Variants in KIAA0319 observed in about 807,000 individuals in gnomAD.
KIAA0319 encodes the protein dyslexia-associated protein KIAA0319.
KIAA0319 carries 83 observed loss-of-function variants against 108.4 expected under a neutral mutation model. That is an observed-to-expected ratio of 0.77 (90% confidence interval 0.64 to 0.92). The LOEUF is 0.92. Ranked by LOEUF, KIAA0319 falls within the 40% of genes least tolerant of loss-of-function variation. The pLI, the probability that KIAA0319 is intolerant of heterozygous loss-of-function variation, is 0.00. For missense variants in KIAA0319, 1,195 were observed against 1,322.4 expected, an observed-to-expected ratio of 0.90 and a Z score of 1.49; for synonymous variants, 484 against 510.4, an observed-to-expected ratio of 0.95 and a Z score of 0.70.
chr6:24,557,890 C>G, intron 17 of KIAA0319, among the ~76,000 whole-genome samples: 1 of 151,954 alleles, frequency 6.6e-6, no homozygotes, highest in Non-Finnish European at 1.5e-5. Context: ...GCTACTGTTC[C>G]TGGCTCATAA....
chr6:24,645,914 C>G lies in KIAA0319; in HGVS notation c.-284G>C, dbSNP rs918938189. The G allele has an allele frequency of 1.3e-5, 2 of 154,250 alleles. No individual in the cohort carries two copies. Among genetic ancestry groups the G allele is most frequent in the Non-Finnish European group, 2.9e-5 (2 of 70,134 alleles). 9.6% of individuals were successfully genotyped at this position (154,250 alleles called of 1,614,324 possible). A position where few individuals can be genotyped will look rare whatever the true frequency, so the allele number is the denominator to read the frequency against. Reference sequence around the variant, plus strand: ...GTTCACACCCTCGCGCGCGCACCTGCTGTTAAGAGGTACAGCCCCACCCCA... The same window carrying G: ...GTTCACACCCTCGCGCGCGCACCTGGTGTTAAGAGGTACAGCCCCACCCCA... On this transcript the variant is annotated 5_prime_UTR_variant, in exon 1 of 21. Coordinates refer to ENST00000378214, the MANE Select transcript of KIAA0319 (RefSeq NM_014809.4).
At chr6:24,603,895 G>A (rs764690718) in intron 1 of KIAA0319, among the ~76,000 whole-genome samples, 1 of 152,074 alleles carries the variant, frequency 6.6e-6, no homozygotes, top group Admixed American at 6.6e-5. Context: ...GACTGCCGTC[G>A]ACCACACCGA....
chr6:24,604,235 A>G (rs980545468), intron 1 of KIAA0319, among the ~76,000 whole-genome samples: 7 of 152,230 alleles, frequency 4.6e-5, no homozygotes, highest in African/African-American at 1.7e-4. Context: ...TGAGGAAAGT[A>G]TGTTAGAGAT....
At chr6:24,587,446 A>G (rs1767707604) in intron 4 of KIAA0319, among the ~76,000 whole-genome samples, 1 of 151,518 alleles carries the variant, frequency 6.6e-6, no homozygotes, top group Non-Finnish European at 1.5e-5. Flanking sequence ...ACGTCTGGCT[A>G]ATTTTTTGTA....
At chr6:24,609,290 GAA>G (rs1011247669) in intron 1 of KIAA0319, among the ~76,000 whole-genome samples, 4 of 91,476 alleles carry the variant, frequency 4.4e-5, no homozygotes, top group Non-Finnish European at 9.5e-5. Flanking sequence ...AAAAAAAAAA[GAA>G]AAAAAAAAAA....
At position 24,546,163 on chromosome 6, in the gene KIAA0319, T is replaced by C. The variant is rs1454101183; in HGVS notation, c.*1002A>G. The C allele has an allele frequency of 6.6e-6, 1 of 152,240 alleles. No individual in the cohort carries two copies. The highest frequency in any genetic ancestry group is 2.4e-5 in the African/African-American group (1 of 41,458). 9.4% of individuals were successfully genotyped at this position (152,240 alleles called of 1,614,324 possible). A position where few individuals can be genotyped will look rare whatever the true frequency, so the allele number is the denominator to read the frequency against. On this transcript the variant is annotated 3_prime_UTR_variant, in exon 21 of 21. Transcript: ENST00000378214. ...TAAACATATGAAGTGAATACATCTA[T>C]GTCAAGTTATTTTGGAAAGTACCTG... is the stretch of plus-strand genomic sequence containing the variant.
intron 16 of KIAA0319, among the ~76,000 whole-genome samples, chr6:24,561,915 C>G (rs974144233): frequency 5.9e-5 from 9 of 152,200 alleles, no homozygotes; most frequent in Non-Finnish European, 1.3e-4. Flanking sequence ...GTTGGCCAGG[C>G]TGGTCTTGAA....
intron 1 of KIAA0319, among the ~76,000 whole-genome samples, chr6:24,629,523 A>AAAAAAAAAAAAAAAAAAAAAG (rs1472154248): frequency 4.1e-5 from 6 of 147,778 alleles, no homozygotes; most frequent in Non-Finnish European, 7.5e-5. Context: ...TCAAAAAAAA[A>AAAAAAAAAAAAAAAAAAAAAG]AAAAAAAAGA....
At chr6:24,642,092 A>AGGAAG (rs1011867631) in intron 1 of KIAA0319, among the ~76,000 whole-genome samples, 2 of 122,624 alleles carry the variant, frequency 1.6e-5, no homozygotes, top group African/African-American at 6.2e-5. Flanking sequence ...GAAAGAAGAA[A>AGGAAG]GGAAGGGAAG....
At chr6:24,624,029 T>C (rs1774357648) in intron 1 of KIAA0319, among the ~76,000 whole-genome samples, 2 of 140,784 alleles carry the variant, frequency 1.4e-5, no homozygotes, top group South Asian at 2.3e-4. Context: ...TTTTTTTTTT[T>C]TTTTTTTTTT....
chr6:24,557,459 C>T (rs989585883), intron 17 of KIAA0319, among the ~76,000 whole-genome samples: 1 of 152,206 alleles, frequency 6.6e-6, no homozygotes, highest in African/African-American at 2.4e-5. Context: ...GCCGAGATCA[C>T]ACCGCTGCAC....
In KIAA0319 at chr6:24,618,294, T is replaced by C. The variant is rs1773440042; in HGVS notation, c.-105-17086A>G. Reference sequence around the variant, plus strand: ...AGTTTTCTCAACCCCAGAGAGAACCTAGACAAACCAGAACGTACAATTCAA... The same window carrying C: ...AGTTTTCTCAACCCCAGAGAGAACCCAGACAAACCAGAACGTACAATTCAA... On this transcript the variant is annotated intron_variant, in intron 1 of 20. Coordinates refer to ENST00000378214, the MANE Select transcript of KIAA0319 (RefSeq NM_014809.4). 2.6e-5 allele frequency among the ~76,000 whole-genome samples: 4 copies of C among 152,042 alleles called. No individual in the cohort carries two copies. In the South Asian group the frequency reaches 8.3e-4, roughly 32 times the overall value.
At chr6:24,566,533 C>A in intron 14 of KIAA0319, 64 bp downstream of exon 14, 3 of 1,417,800 alleles carry the variant, frequency 2.1e-6, no homozygotes, top group Middle Eastern at 1.8e-4. Context: ...TTGTTTGCAG[C>A]CCAAGCTGAC....
At position 24,617,918 on chromosome 6, in the gene KIAA0319, C is replaced by T. The variant is rs180871969; in HGVS notation, c.-105-16710G>A. On this transcript the variant is annotated intron_variant, in intron 1 of 20. Coordinates refer to ENST00000378214, the MANE Select transcript of KIAA0319 (RefSeq NM_014809.4). ...AGGAGAATCTCTTGAACCCAGGAGG[C>T]GGAGGTTGCAGTGAGCCGAGATTGC... Among the ~76,000 whole-genome samples, 725 of 152,088 alleles carry T rather than the reference C, an allele frequency of 4.8e-3. 1 individual carries two copies. Among genetic ancestry groups the T allele is most frequent in the African/African-American group, 0.015 (602 of 41,484 alleles).
At chr6:24,638,911 A>G (rs34211261) in intron 1 of KIAA0319, among the ~76,000 whole-genome samples, 4,512 of 152,284 alleles carry the variant, frequency 0.03, 109 homozygotes, top group Middle Eastern at 0.088. Context: ...GATCTTAAAT[A>G]TTCCTATCAA....
intron 12 of KIAA0319, 146 bp from the exon 13 acceptor site, chr6:24,569,075 ACTCT>A: frequency 1.2e-6 from 1 of 805,058 alleles, no homozygotes; most frequent in Non-Finnish European, 1.9e-6. Flanking sequence ...ATTCATCTGT[ACTCT>A]CTAGTTCAGT....
chr6:24,577,235 A>G (rs1408011929), intron 9 of KIAA0319, among the ~76,000 whole-genome samples: 1 of 152,218 alleles, frequency 6.6e-6, no homozygotes, highest in Non-Finnish European at 1.5e-5. Context: ...CTCTTAACGG[A>G]GACTAAAAAT....
chr6:24,608,605 A>G (rs1771782399), intron 1 of KIAA0319, among the ~76,000 whole-genome samples: 2 of 152,168 alleles, frequency 1.3e-5, no homozygotes, highest in Non-Finnish European at 2.9e-5. Flanking sequence ...AAATGGATCC[A>G]AATACTTCCA....
At chr6:24,590,011 C>A (rs1269881234) in intron 3 of KIAA0319, among the ~76,000 whole-genome samples, 1 of 152,098 alleles carries the variant, frequency 6.6e-6, no homozygotes, top group East Asian at 1.9e-4. Context: ...AAGTAAAACT[C>A]TTAGACTAAG....
Sources: allele counts gnomAD v4.1 joint callset (sites outside exome capture counted in the v4.1 genomes callset), GRCh38; gene constraint gnomAD v4.1.1; transcripts MANE v1.5; gene names NCBI Gene and HGNC (gene_info 2026-07-23, HGNC 2026-07-21).